Variants in SLC12A7 observed in about 807,000 individuals in gnomAD.
SLC12A7 encodes K-Cl cotransporter 4.
Under a neutral mutation model 120.6 loss-of-function variants are expected in SLC12A7, and 100 were observed. The ratio of observed to expected loss-of-function variants is 0.83; its 90% CI spans 0.71 to 0.98. The LOEUF is 0.98. Ranked by LOEUF, SLC12A7 falls within the 50% of genes least tolerant of loss-of-function variation. SLC12A7 has a pLI of 0.00. For synonymous variants in SLC12A7, 760 were observed against 678.0 expected (o/e 1.12, Z -1.88); for missense variants, 1,373 against 1,548.1 (o/e 0.89, Z 1.90).
intron 1 of SLC12A7, among the ~76,000 whole-genome samples, chr5:1,107,941 G>T (rs1406338121): frequency 6.6e-6 from 1 of 152,174 alleles, no homozygotes; most frequent in East Asian, 1.9e-4. Context: ...GGGAGGGAAC[G>T]GATACCCAAC....
At chr5:1,122,923 C>G in the SLC12A7 span, among the ~76,000 whole-genome samples, 2 of 152,264 alleles carry the variant, frequency 1.3e-5, no homozygotes, top group East Asian at 3.8e-4. Flanking sequence ...GTGAAGCGCC[C>G]CACGTGCGCA....
chr5:1,148,529 A>T, the SLC12A7 span, among the ~76,000 whole-genome samples: 1 of 152,182 alleles, frequency 6.6e-6, no homozygotes, highest in East Asian at 1.9e-4. Context: ...TTAAGGCTAA[A>T]TAATATTCCA....
the SLC12A7 span, among the ~76,000 whole-genome samples, chr5:1,118,165 C>T: frequency 6.6e-6 from 1 of 152,130 alleles, no homozygotes; most frequent in Non-Finnish European, 1.5e-5. Flanking sequence ...GCCAGCTCTG[C>T]GTGAATCCCT....
intron 20 of SLC12A7, among the ~76,000 whole-genome samples, chr5:1,061,089 T>G (rs1300343191): frequency 1.6e-5 from 1 of 61,278 alleles, no homozygotes. Context: ...GCATCCGCCA[T>G]GCGGAACCCC....
At position 1,088,292 on chromosome 5, in the gene SLC12A7, C is replaced by T. The variant is rs377714803; in HGVS notation, c.544+14G>A. Reference sequence around the variant, plus strand: ...TAACAGGACTCAGGGCCGCGGCTGGCGGGCACCCCTTACCTGGGACCACAC... The same window carrying T: ...TAACAGGACTCAGGGCCGCGGCTGGTGGGCACCCCTTACCTGGGACCACAC... On this transcript the variant is annotated intron_variant, in intron 5 of 23. Transcript: ENST00000264930. 1,544 of 1,579,772 alleles carry T rather than the reference C, an allele frequency of 9.8e-4. 4 individuals carry two copies. Among genetic ancestry groups the T allele is most frequent in the South Asian group, 1.4e-3 (121 of 86,146 alleles).
the SLC12A7 span, among the ~76,000 whole-genome samples, chr5:1,118,349 A>G: frequency 6.6e-6 from 1 of 152,234 alleles, no homozygotes; most frequent in African/African-American, 2.4e-5. Flanking sequence ...GGGGGAGTCC[A>G]TGGGCCTCAG....
chr5:1,148,205 CTTTTTTTTT>C, the SLC12A7 span, among the ~76,000 whole-genome samples: 1 of 107,638 alleles, frequency 9.3e-6, no homozygotes, highest in Non-Finnish European at 1.8e-5. Flanking sequence ...TTCTTTCTTT[CTTTTTTTTT>C]TTTTTTTTTT....
chr5:1,065,216 GA>G, intron 18 of SLC12A7, 66 bp downstream of exon 18: 1 of 1,185,518 alleles, frequency 8.4e-7, no homozygotes, highest in Non-Finnish European at 1.2e-6. Context: ...AGGGGACAGC[GA>G]GGGGACACTG....
intron 1 of SLC12A7, among the ~76,000 whole-genome samples, chr5:1,099,405 T>A (rs1741761500): frequency 1.3e-5 from 2 of 150,822 alleles, no homozygotes; most frequent in Non-Finnish European, 2.9e-5. Context: ...CCCGACCCGG[T>A]CCACCTCCTC....
the SLC12A7 span, among the ~76,000 whole-genome samples, chr5:1,130,514 G>C: frequency 8.6e-5 from 13 of 150,362 alleles, no homozygotes; most frequent in African/African-American, 2.7e-4. Context: ...GGCTGCACAC[G>C]CGTGTCCCCT....
At position 1,088,967 on chromosome 5, in the gene SLC12A7, C is replaced by T; in HGVS notation, c.489+15G>A. 6.2e-7 allele frequency: 1 copy of T among 1,612,446 alleles called. No homozygotes were observed. ...CGCCCGAAGGCACAGCCACACCTGG[C>T]CGGGGGAGACTCACACATGTGCAGC... On this transcript the variant is annotated intron_variant, in intron 4 of 23. Transcript: ENST00000264930.
At chr5:1,055,446 G>A (rs911648784) in intron 22 of SLC12A7, among the ~76,000 whole-genome samples, 4 of 152,266 alleles carry the variant, frequency 2.6e-5, no homozygotes, top group East Asian at 1.9e-4. Context: ...CACATCTCAC[G>A]CCCGCACTGC....
At position 1,081,557 on chromosome 5, in the gene SLC12A7, G is replaced by T; in HGVS notation, c.1297+20C>A. The T allele has an allele frequency of 6.3e-7, 1 of 1,591,882 alleles. No homozygotes were observed. Among genetic ancestry groups the T allele is most frequent in the Non-Finnish European group, 8.6e-7 (1 of 1,163,504 alleles). Reference sequence around the variant, plus strand: ...GGGAGAGAAAGAAAGAGAAGGGGAAGCCTGGAGCAGCGGGCTCACCGGTCA... The same window carrying T: ...GGGAGAGAAAGAAAGAGAAGGGGAATCCTGGAGCAGCGGGCTCACCGGTCA... On this transcript the variant is annotated intron_variant, in intron 9 of 23. Transcript: ENST00000264930.
intron 18 of SLC12A7, among the ~76,000 whole-genome samples, chr5:1,064,842 C>CGACGGCGAGGA (rs1304039495): frequency 4.7e-4 from 8 of 16,906 alleles, no homozygotes; most frequent in African/African-American, 2.1e-3. Context: ...GACGGCGAAG[C>CGACGGCGAGGA]GACGGCGAGG....
At chr5:1,069,725 G>A (rs868060050) in intron 17 of SLC12A7, among the ~76,000 whole-genome samples, 4 of 152,094 alleles carry the variant, frequency 2.6e-5, no homozygotes, top group African/African-American at 7.2e-5. Flanking sequence ...TCCAGGTGAC[G>A]TGACGTGACG....
chr5:1,141,469 G>A, the SLC12A7 span, among the ~76,000 whole-genome samples: 14 of 151,836 alleles, frequency 9.2e-5, no homozygotes, highest in South Asian at 2.1e-4. Flanking sequence ...CACCAGAGCC[G>A]CCACGGGCAC....
intron 1 of SLC12A7, among the ~76,000 whole-genome samples, chr5:1,099,760 TCA>T (rs760344049): frequency 2.6e-5 from 4 of 152,198 alleles, no homozygotes; most frequent in Non-Finnish European, 5.9e-5. Context: ...CTCGGGAATC[TCA>T]GTTTGCGCCA....
chr5:1,061,118 C>T (rs1306648016), intron 20 of SLC12A7, among the ~76,000 whole-genome samples: 4 of 35,328 alleles, frequency 1.1e-4, no homozygotes, highest in African/African-American at 1.8e-4. Context: ...ACCCACCGCA[C>T]CCGCCGTGCG....
At chr5:1,066,475 T>A (rs1288263408) in intron 17 of SLC12A7, among the ~76,000 whole-genome samples, 1 of 152,170 alleles carries the variant, frequency 6.6e-6, no homozygotes, top group Non-Finnish European at 1.5e-5. Context: ...TGTACATGTG[T>A]GGCAGATATG....
Sources: gnomAD v4.1 joint callset for allele counts (sites outside exome capture counted in the v4.1 genomes callset) on GRCh38, gnomAD v4.1.1 for gene constraint, MANE v1.5 for transcripts, NCBI Gene and HGNC (gene_info 2026-07-23, HGNC 2026-07-21) for gene names.